The following STX16 variants were observed in gnomAD, a reference collection of about 807,000 sequenced individuals.
The protein encoded by STX16 is syntaxin-16.
In STX16, 28 loss-of-function variants were observed where a neutral mutation model predicts 42.7. That is an observed-to-expected ratio of 0.66 (90% CI 0.49 to 0.90). The LOEUF is 0.90. STX16 is among the 40% of genes least tolerant of loss of function. The pLI is 0.00. For missense variants in STX16, 361 were observed against 420.9 expected, an observed-to-expected ratio of 0.86 and a Z score of 1.24; for synonymous variants, 156 against 155.2, an observed-to-expected ratio of 1.00 and a Z score of -0.04.
rs777100169 is a variant in STX16, at chr20:58,652,105, C to G, written c.99C>G (p.Thr33=). 1 of 1,614,184 alleles carries G rather than the reference C, an allele frequency of 6.2e-7. No individual in the cohort carries two copies. The highest frequency in any genetic ancestry group is 8.5e-7 in the Non-Finnish European group (1 of 1,180,038). The change falls in exon 1 of 9, where the codon ACC becomes ACG. Residue 33 remains threonine, a synonymous_variant. Transcript: ENST00000371141. Reference sequence around the variant, plus strand: ...CCGAGCAAGTGAGTAGTCACATCACCTCCAGCCCTCTGCATTCACGTAGCA... The same window carrying G: ...CCGAGCAAGTGAGTAGTCACATCACGTCCAGCCCTCTGCATTCACGTAGCA... ...LLAEQVSSHI[T]SSPLHSRSIA...
At chr20:58,659,707 T>C (rs1349700804) in intron 2 of STX16, 73 bp downstream of exon 2, 4 of 1,519,306 alleles carry the variant, frequency 2.6e-6, no homozygotes, top group Non-Finnish European at 3.6e-6. Context: ...CTGAAGTCTT[T>C]GCTCATATAT....
intron 5 of STX16, among the ~76,000 whole-genome samples, chr20:58,669,691 C>T (rs1272457241): frequency 2.0e-5 from 3 of 152,154 alleles, no homozygotes; most frequent in African/African-American, 7.2e-5. Flanking sequence ...TTCAGCATCT[C>T]AGCAAACAAA....
Position 58,679,230 on chromosome 20 carries a change from G to A in STX16, c.*2939G>A, listed in dbSNP as rs1275705299. The A allele has an allele frequency of 6.6e-6, 1 of 152,498 alleles. No individual in the cohort carries two copies. The highest frequency in any genetic ancestry group is 1.5e-5 in the Non-Finnish European group (1 of 68,026). 9.4% of individuals were successfully genotyped at this position (152,498 alleles called of 1,614,324 possible). A position where few individuals can be genotyped will look rare whatever the true frequency, so the allele number is the denominator to read the frequency against. ...GTGTCTCTGATTTAACGGATTCACTGTTTTCTCTGCTAATTGAGAGAGCGT... is the reference window on the plus strand; with the variant it reads ...GTGTCTCTGATTTAACGGATTCACTATTTTCTCTGCTAATTGAGAGAGCGT... On this transcript the variant is annotated 3_prime_UTR_variant, in exon 9 of 9. Transcript: ENST00000371141.
At chr20:58,667,143 T>C (rs937262743) in intron 2 of STX16, 2 of 383,864 alleles carry the variant, frequency 5.2e-6, no homozygotes, top group Non-Finnish European at 1.0e-5. Context: ...ACAGTACTAG[T>C]AGTAAGAGGT....
chr20:58,669,505 A>G, intron 5 of STX16, 52 bp downstream of exon 5: 1 of 1,551,714 alleles, frequency 6.4e-7, no homozygotes, highest in South Asian at 1.2e-5. Flanking sequence ...AAAGCACTTT[A>G]TGTTTTCTTT....
At position 58,662,982 on chromosome 20, in the gene STX16, A is replaced by G. The variant is rs145250878; in HGVS notation, c.144+3348A>G. ...CTTATTCACTTCTCCAACAACTCGGATTTCTTAAGCCTAATTGTCTATTAG... is the reference window on the plus strand; with the variant it reads ...CTTATTCACTTCTCCAACAACTCGGGTTTCTTAAGCCTAATTGTCTATTAG... On this transcript the variant is annotated intron_variant, in intron 2 of 8. Transcript: ENST00000371141. Among the ~76,000 whole-genome samples, 582 of 152,334 alleles carry G rather than the reference A, an allele frequency of 3.8e-3. 16 individuals are homozygous for G. Among genetic ancestry groups the G allele is most frequent in the Admixed American group, 0.029 (450 of 15,308 alleles).
chr20:58,652,112 C>T lies in STX16; in HGVS notation c.106C>T (p.Pro36Ser), dbSNP rs142560013. ...AGTGAGTAGTCACATCACCTCCAGC[C>T]CTCTGCATTCACGTAGCATTGCTGC... ...EQVSSHITSS[P>S]LHSRSIAAEL... The change falls in exon 1 of 9, where the codon CCT (proline) becomes TCT (serine). Residue 36 changes from proline (P) to serine (S), a missense_variant. Pro to Ser is a moderately conservative substitution (Grantham distance 74). Transcript: ENST00000371141. The T allele has an allele frequency of 1.4e-5, 23 of 1,614,172 alleles. No individual in the cohort carries two copies. In the East Asian group the frequency reaches 4.9e-4, roughly 34 times the overall value.
rs926714604 is a variant in STX16, at chr20:58,655,198, T to TA, written c.132+3070dup. Among the ~76,000 whole-genome samples, 444 of 150,552 alleles carry TA rather than the reference T, an allele frequency of 2.9e-3. 2 individuals carry two copies. The highest frequency in any genetic ancestry group is 4.5e-3 in the Admixed American group (68 of 15,104). ...AATACACCTAAAATAACAGACTTTT[T>TA]AAAAAAAAAATTGTAATCCTGAATT... On this transcript the variant is annotated intron_variant, in intron 1 of 8. Transcript: ENST00000371141.
chr20:58,656,924 A>G (rs1254964308), intron 1 of STX16, among the ~76,000 whole-genome samples: 1 of 152,166 alleles, frequency 6.6e-6, no homozygotes. Flanking sequence ...TCTCAGATAC[A>G]GATAAGGAAA....
chr20:58,668,251 C>G, intron 4 of STX16, 124 bp downstream of exon 4: 6 of 1,269,236 alleles, frequency 4.7e-6, no homozygotes, highest in Non-Finnish European at 6.5e-6. Context: ...TCAGAGGGAC[C>G]TCAAGAGGCC....
At chr20:58,668,592 G>C (rs939593343) in intron 4 of STX16, among the ~76,000 whole-genome samples, 3 of 151,676 alleles carry the variant, frequency 2.0e-5, no homozygotes, top group Non-Finnish European at 4.4e-5. Flanking sequence ...AAGTCTCCTG[G>C]GTGCTAATTA....
rs1476237119 is a variant in STX16, at chr20:58,657,612, T to C, written c.133-2011T>C. Among the ~76,000 whole-genome samples, 1 of 152,230 alleles carries C rather than the reference T, an allele frequency of 6.6e-6. No homozygotes were observed. The highest frequency in any genetic ancestry group is 1.5e-5 in the Non-Finnish European group (1 of 68,038). On this transcript the variant is annotated intron_variant, in intron 1 of 8. Transcript: ENST00000371141. This position sits in a 1 kb window ranked among gnomAD's most constrained non-coding sequence, Gnocchi z 4.2. ...GCATGCCATTGGAAGGTCAAAAACC[T>C]AGATTTAGACATTATAAAGATTTAG... is the stretch of plus-strand genomic sequence containing the variant.
intron 2 of STX16, among the ~76,000 whole-genome samples, chr20:58,660,786 C>T (rs182957442): frequency 7.4e-6 from 1 of 134,710 alleles, no homozygotes; most frequent in Non-Finnish European, 1.5e-5. Flanking sequence ...TAAAAAATTC[C>T]TGAAAAGATA....
At position 58,668,049 on chromosome 20, in the gene STX16, G is replaced by A. The variant is rs759176630; in HGVS notation, c.315G>A (p.Lys105=). 10 of 1,614,134 alleles carry A rather than the reference G, an allele frequency of 6.2e-6. No individual in the cohort carries two copies. The highest frequency in any genetic ancestry group is 5.9e-6 in the Non-Finnish European group (7 of 1,180,052). The change falls in exon 4 of 9, where the codon AAG becomes AAA. Residue 105 remains lysine, a synonymous_variant. Coordinates refer to ENST00000371141, the MANE Select transcript of STX16 (RefSeq NM_001001433.3). ...KMKELASLHD[K]HLNRPTLDDS... is the part of the protein sequence containing the mutation. Reference sequence around the variant, plus strand: ...AAGAATTGGCCAGCCTTCATGACAAGCATTTAAACAGACCCACCCTGGATG... The same window carrying A: ...AAGAATTGGCCAGCCTTCATGACAAACATTTAAACAGACCCACCCTGGATG...
intron 1 of STX16, among the ~76,000 whole-genome samples, chr20:58,653,568 A>T (rs1224928236): frequency 6.6e-6 from 1 of 152,226 alleles, no homozygotes; most frequent in Non-Finnish European, 1.5e-5. Flanking sequence ...AAATGTAAAG[A>T]TGTCTGGTAG....
chr20:58,675,308 G>A (rs554079507), intron 8 of STX16, among the ~76,000 whole-genome samples: 1 of 152,232 alleles, frequency 6.6e-6, no homozygotes, highest in African/African-American at 2.4e-5. Flanking sequence ...CCTTCCCGCT[G>A]TCTCCTCCTC....
intron 1 of STX16, among the ~76,000 whole-genome samples, chr20:58,655,276 TA>T (rs1224451077): frequency 6.6e-6 from 1 of 152,184 alleles, no homozygotes; most frequent in East Asian, 1.9e-4. Context: ...GAGTAGTGTG[TA>T]TCATACACCT....
intron 1 of STX16, among the ~76,000 whole-genome samples, chr20:58,656,872 G>T (rs529724318): frequency 6.6e-6 from 1 of 152,338 alleles, no homozygotes; most frequent in East Asian, 1.9e-4. Context: ...TGTAAGCTCA[G>T]CTCATCTTCA....
At chr20:58,660,713 C>CTTTTTTTT (rs10706096) in intron 2 of STX16, among the ~76,000 whole-genome samples, 3 of 70,726 alleles carry the variant, frequency 4.2e-5, no homozygotes, top group Admixed American at 2.0e-4. Context: ...ATTCCTGCTC[C>CTTTTTTTT]TTTTTTTTTT....
Sources: allele counts gnomAD v4.1 joint callset (sites outside exome capture counted in the v4.1 genomes callset), GRCh38; gene constraint gnomAD v4.1.1; non-coding constraint Gnocchi (gnomAD v3.1); transcripts MANE v1.5; gene names NCBI Gene and HGNC (gene_info 2026-07-23, HGNC 2026-07-21).